Variants in CTTNBP2 observed in about 807,000 individuals in gnomAD.
CTTNBP2 encodes the protein cortactin-binding protein 2.
CTTNBP2 carries 108 observed loss-of-function variants against 156.9 expected under a neutral mutation model. The observed-to-expected ratio is 0.69, with a 90% CI of 0.59 to 0.81. CTTNBP2 has a LOEUF of 0.81. Ranked by LOEUF, CTTNBP2 falls within the 30% of genes least tolerant of loss-of-function variation. CTTNBP2 has a pLI of 0.00. For missense variants in CTTNBP2, 1,924 were observed against 2,035.4 expected (o/e 0.95, Z 1.05); for synonymous variants, 767 against 751.8 (o/e 1.02, Z -0.33).
chr7:117,829,721 T>C (rs758351637), intron 2 of CTTNBP2, among the ~76,000 whole-genome samples: 2 of 152,322 alleles, frequency 1.3e-5, no homozygotes, highest in Middle Eastern at 3.4e-3. Context: ...ATTACATCCA[T>C]AGCTCTGGTC....
chr7:117,712,886 T>C (rs1347092088), intron 22 of CTTNBP2, among the ~76,000 whole-genome samples: 1 of 152,142 alleles, frequency 6.6e-6, no homozygotes, highest in African/African-American at 2.4e-5. Flanking sequence ...TTTTCTCCAT[T>C]GAGCAATTAA....
At chr7:117,830,958 T>C (rs35835589) in intron 2 of CTTNBP2, among the ~76,000 whole-genome samples, 5,018 of 152,286 alleles carry the variant, frequency 0.033, 152 homozygotes, top group Non-Finnish European at 0.045. Flanking sequence ...TGTTTTCACA[T>C]GTAAGTTTTT....
intron 7 of CTTNBP2, among the ~76,000 whole-genome samples, chr7:117,778,079 T>C (rs753493800): frequency 4.6e-5 from 7 of 152,196 alleles, no homozygotes; most frequent in African/African-American, 1.7e-4. Flanking sequence ...AAAATCTCAA[T>C]TTAATACTAT....
intron 7 of CTTNBP2, 76 bp from the exon 8 acceptor site, chr7:117,777,841 T>A (rs932960796): frequency 3.5e-6 from 5 of 1,410,566 alleles, no homozygotes; most frequent in Non-Finnish European, 4.9e-6. Flanking sequence ...AAAGTTCACT[T>A]CTAAATGTTC....
At chr7:117,752,961 A>C (rs372940465) in intron 12 of CTTNBP2, among the ~76,000 whole-genome samples, 160 of 152,344 alleles carry the variant, frequency 1.1e-3, no homozygotes, top group African/African-American at 3.7e-3. Context: ...AACTGTCATC[A>C]GAGTGAACAG....
intron 14 of CTTNBP2, among the ~76,000 whole-genome samples, chr7:117,744,568 T>C (rs1796211602): frequency 6.6e-6 from 1 of 152,190 alleles, no homozygotes; most frequent in Non-Finnish European, 1.5e-5. Flanking sequence ...TACCATATTT[T>C]CTTTATCTAT....
At chr7:117,776,783 G>C (rs1162711355) in intron 8 of CTTNBP2, among the ~76,000 whole-genome samples, 2 of 152,100 alleles carry the variant, frequency 1.3e-5, no homozygotes, top group African/African-American at 4.8e-5. Context: ...TGTTGTCCTT[G>C]TGTTTTTTTA....
chr7:117,862,479 C>T (rs1157911118), intron 1 of CTTNBP2, among the ~76,000 whole-genome samples: 1 of 152,174 alleles, frequency 6.6e-6, no homozygotes, highest in African/African-American at 2.4e-5. Flanking sequence ...TCCACTCCAA[C>T]CTTCCTCATA....
chr7:117,713,466 C>T (rs1264936748), intron 22 of CTTNBP2, among the ~76,000 whole-genome samples: 1 of 152,156 alleles, frequency 6.6e-6, no homozygotes, highest in African/African-American at 2.4e-5. Context: ...CTGGCTAATG[C>T]TGCTCTCCCA....
chr7:117,784,274 G>GAATACA lies in CTTNBP2; in HGVS notation c.2243_2248dup (p.Leu748_Tyr749dup). Reference sequence around the variant, plus strand: ...ACCTGTATGTCCATTCTTAGCAGCAGAATACAAGGCAGAATGGCCATCTTC... The same window carrying GAATACA: ...ACCTGTATGTCCATTCTTAGCAGCAGAATACAAATACAAGGCAGAATGGCCATCTTC... On this transcript the variant is annotated inframe_insertion, in exon 5 of 23. Coordinates refer to ENST00000160373, the MANE Select transcript of CTTNBP2 (RefSeq NM_033427.3). The GAATACA allele has an allele frequency of 1.2e-6, 2 of 1,611,556 alleles. No individual in the cohort carries two copies. The highest frequency in any genetic ancestry group is 1.7e-6 in the Non-Finnish European group (2 of 1,179,108).
intron 12 of CTTNBP2, among the ~76,000 whole-genome samples, chr7:117,749,151 G>A (rs753133216): frequency 1.3e-5 from 2 of 152,194 alleles, no homozygotes; most frequent in Non-Finnish European, 2.9e-5. Flanking sequence ...TCTTCCCTGA[G>A]TTTTCAGACT....
chr7:117,809,873 A>G, intron 3 of CTTNBP2, among the ~76,000 whole-genome samples: 1 of 152,244 alleles, frequency 6.6e-6, no homozygotes, highest in Non-Finnish European at 1.5e-5. Flanking sequence ...ATTTTAATTT[A>G]TGCTTTAATA....
chr7:117,814,436 T>C (rs1428071822), intron 2 of CTTNBP2, among the ~76,000 whole-genome samples: 1 of 152,186 alleles, frequency 6.6e-6, no homozygotes, highest in Non-Finnish European at 1.5e-5. Flanking sequence ...TGCCTATTTA[T>C]TTATTTTGAG....
chr7:117,843,241 G>A (rs1463388992), intron 2 of CTTNBP2, among the ~76,000 whole-genome samples: 1 of 152,060 alleles, frequency 6.6e-6, no homozygotes, highest in African/African-American at 2.4e-5. Context: ...CAGGGACTTG[G>A]GCATCTGTGG....
rs34680574 is a variant in CTTNBP2 at position 117,718,984 on chromosome 7, G to A, written c.4644+520C>T. Among the ~76,000 whole-genome samples, 819 of 152,176 alleles carry A rather than the reference G, an allele frequency of 5.4e-3. 10 individuals carry two copies. Among genetic ancestry groups the A allele is most frequent in the South Asian group, 0.026 (127 of 4,816 alleles). Reference sequence around the variant, plus strand: ...GGCTGAGGCGGGCAGGTCACCTGAGGTCAGGAGTTCAAGACCAGCCTGACC... The same window carrying A: ...GGCTGAGGCGGGCAGGTCACCTGAGATCAGGAGTTCAAGACCAGCCTGACC... On this transcript the variant is annotated intron_variant, in intron 21 of 22. Transcript: ENST00000160373.
chr7:117,855,956 C>T (rs748790980), intron 2 of CTTNBP2, among the ~76,000 whole-genome samples: 30 of 152,194 alleles, frequency 2.0e-4, no homozygotes, highest in Non-Finnish European at 3.1e-4. Flanking sequence ...AATAGGTATT[C>T]ATCAAATCCT....
rs117570541 is a variant in CTTNBP2, at chr7:117,839,892, A to G, written c.189+21317T>C. On this transcript the variant is annotated intron_variant, in intron 2 of 22. Transcript: ENST00000160373. ...ACTTTTTATGACTATAACTCTCCCTACTAATAATAAACTACCAAATAACCA... is the reference window on the plus strand; with the variant it reads ...ACTTTTTATGACTATAACTCTCCCTGCTAATAATAAACTACCAAATAACCA... Among the ~76,000 whole-genome samples the G allele has an allele frequency of 3.3e-5, 5 of 152,308 alleles. No individual in the cohort carries two copies. In the South Asian group the frequency reaches 8.3e-4, roughly 25 times the overall value.
chr7:117,751,340 A>G (rs1237454753), intron 12 of CTTNBP2, among the ~76,000 whole-genome samples: 2 of 152,252 alleles, frequency 1.3e-5, no homozygotes, highest in Admixed American at 6.5e-5. Flanking sequence ...GTCCAGAAAC[A>G]GTTCTAGGCC....
At chr7:117,873,244 G>C in intron 1 of CTTNBP2, 91 bp downstream of exon 1, 1 of 1,011,356 alleles carries the variant, frequency 9.9e-7, no homozygotes, top group Non-Finnish European at 1.3e-6. Context: ...GGAACGCCCC[G>C]GGGGTGCGAA....
Sources: allele counts gnomAD v4.1 joint callset (sites outside exome capture counted in the v4.1 genomes callset), GRCh38; gene constraint gnomAD v4.1.1; transcripts MANE v1.5; gene names NCBI Gene and HGNC (gene_info 2026-07-23, HGNC 2026-07-21).